Variants in EML6 observed in about 807,000 individuals in gnomAD.
EML6 encodes EMAP like 6.
EML6 carries 154 observed loss-of-function variants against 240.1 expected under a neutral mutation model. That is an observed-to-expected ratio of 0.64 (90% CI 0.56 to 0.73). The LOEUF (loss-of-function observed/expected upper bound fraction) is 0.73. Among genes scored for constraint, EML6 ranks in the 30% least tolerant of loss-of-function variants. EML6 has a pLI of 0.00. For synonymous variants in EML6, 1,148 were observed against 899.0 expected, an observed-to-expected ratio of 1.28 and a Z score of -4.95; for missense variants, 2,964 against 2,474.6, an observed-to-expected ratio of 1.20 and a Z score of -4.20.
intron 7 of EML6, among the ~76,000 whole-genome samples, chr2:54,842,981 T>C (rs1669542916): frequency 6.6e-6 from 1 of 152,266 alleles, no homozygotes; most frequent in African/African-American, 2.4e-5. Context: ...TGCATCTGTT[T>C]ATTCCGTAGG....
intron 5 of EML6, among the ~76,000 whole-genome samples, chr2:54,825,827 C>G (rs773708365): frequency 1.4e-4 from 21 of 152,172 alleles, no homozygotes; most frequent in Non-Finnish European, 2.4e-4. Context: ...TAGTACCCAA[C>G]TACTCTGAGA....
chr2:54,819,890 A>G (rs1668252864), intron 4 of EML6, among the ~76,000 whole-genome samples: 1 of 152,180 alleles, frequency 6.6e-6, no homozygotes, highest in South Asian at 2.1e-4. Context: ...GGACTATTTA[A>G]GTTAGTGACA....
intron 2 of EML6, among the ~76,000 whole-genome samples, chr2:54,735,241 C>T (rs1023037225): frequency 5.9e-5 from 9 of 152,220 alleles, no homozygotes; most frequent in Middle Eastern, 3.2e-3. Flanking sequence ...GTCATTGCAT[C>T]GTGTTGCATT....
chr2:54,746,720 T>C (rs1395651283), intron 2 of EML6, among the ~76,000 whole-genome samples: 1 of 152,240 alleles, frequency 6.6e-6, no homozygotes, highest in Admixed American at 6.5e-5. Flanking sequence ...TATAGGTATT[T>C]AATTCCATAC....
In EML6 at chr2:54,849,946, CTT is replaced by C. The variant is rs1218159520; in HGVS notation, c.1188-12_1188-11del. 1 of 1,541,640 alleles carries C rather than the reference CTT, an allele frequency of 6.5e-7. No homozygotes were observed. The highest frequency in any genetic ancestry group is 8.8e-7 in the Non-Finnish European group (1 of 1,140,392). The stretch of plus-strand genomic sequence containing the variant: ...TGTAGAATTGCTGCTTATCGTTTTG[CTT>C]TTTATTCTTACAGAGATATGACAGA... On this transcript the variant is annotated splice_polypyrimidine_tract_variant and intron_variant, in intron 9 of 41. Coordinates refer to ENST00000356458, the MANE Select transcript of EML6 (RefSeq NM_001039753.4).
chr2:54,858,904 G>A (rs1670528232), intron 11 of EML6, among the ~76,000 whole-genome samples: 1 of 152,182 alleles, frequency 6.6e-6, no homozygotes, highest in African/African-American at 2.4e-5. Context: ...CATGGACTTT[G>A]GGGTTCTAGG....
At chr2:54,851,190 C>T (rs1670064742) in intron 10 of EML6, among the ~76,000 whole-genome samples, 1 of 152,066 alleles carries the variant, frequency 6.6e-6, no homozygotes, top group Non-Finnish European at 1.5e-5. Flanking sequence ...GGGTGGATCA[C>T]TTGAGGTCAG....
At chr2:54,875,550 C>A (rs1416719067) in intron 16 of EML6, among the ~76,000 whole-genome samples, 1 of 152,128 alleles carries the variant, frequency 6.6e-6, no homozygotes. Context: ...AGCAGGCAAA[C>A]AATGTGAAAA....
chr2:54,950,839 A>G, intron 30 of EML6, 60 bp downstream of exon 30: 1 of 1,498,578 alleles, frequency 6.7e-7, no homozygotes, highest in Non-Finnish European at 9.0e-7. Context: ...TGCTTTCCCC[A>G]CTCTTTAGAT....
intron 17 of EML6, among the ~76,000 whole-genome samples, chr2:54,890,482 C>G (rs1039112521): frequency 6.6e-6 from 1 of 152,148 alleles, no homozygotes; most frequent in South Asian, 2.1e-4. Context: ...AGGTTATAAA[C>G]CTACCTCTCT....
intron 3 of EML6, 89 bp downstream of exon 3, chr2:54,813,480 A>G (rs1459755754): frequency 1.8e-6 from 2 of 1,140,514 alleles, no homozygotes; most frequent in African/African-American, 1.6e-5. Context: ...TTCAAAGTCC[A>G]TCAACCCTTG....
chr2:54,935,239 G>T (rs1465669960), intron 28 of EML6, among the ~76,000 whole-genome samples: 1 of 152,152 alleles, frequency 6.6e-6, no homozygotes, highest in East Asian at 1.9e-4. Flanking sequence ...GGAGTCCCAT[G>T]CTTATCTTTG....
chr2:54,966,392 G>C (rs1038322657), intron 38 of EML6, among the ~76,000 whole-genome samples: 1 of 152,240 alleles, frequency 6.6e-6, no homozygotes, highest in Non-Finnish European at 1.5e-5. Flanking sequence ...GCACTGCAGG[G>C]AGAGAGGAAG....
intron 2 of EML6, among the ~76,000 whole-genome samples, chr2:54,779,425 A>T (rs1485512230): frequency 1.3e-5 from 2 of 151,984 alleles, no homozygotes; most frequent in East Asian, 3.9e-4. Flanking sequence ...GGGTGCCTGT[A>T]ATCTCAGCTA....
At chr2:54,767,449 A>G (rs950235015) in intron 2 of EML6, among the ~76,000 whole-genome samples, 14 of 152,188 alleles carry the variant, frequency 9.2e-5, no homozygotes, top group South Asian at 2.1e-4. Context: ...CACCCATGCA[A>G]TACTTTTAGT....
intron 2 of EML6, among the ~76,000 whole-genome samples, chr2:54,794,720 A>T (rs372835142): frequency 6.6e-6 from 1 of 152,208 alleles, no homozygotes; most frequent in African/African-American, 2.4e-5. Context: ...CTTTAATAGT[A>T]AAAAGGTCCT....
chr2:54,743,368 A>G (rs1357959286), intron 2 of EML6, among the ~76,000 whole-genome samples: 4 of 152,260 alleles, frequency 2.6e-5, no homozygotes, highest in Non-Finnish European at 5.9e-5. Context: ...GGCCCTGGCC[A>G]GGAATTGATA....
intron 2 of EML6, among the ~76,000 whole-genome samples, chr2:54,738,042 T>G (rs992592528): frequency 1.3e-5 from 2 of 152,232 alleles, no homozygotes; most frequent in African/African-American, 4.8e-5. Flanking sequence ...CTGATCAGTG[T>G]TACCTTAACT....
chr2:54,884,720 AAG>A (rs1231410274), intron 17 of EML6, among the ~76,000 whole-genome samples: 1 of 152,274 alleles, frequency 6.6e-6, no homozygotes, highest in Non-Finnish European at 1.5e-5. Flanking sequence ...TCTCACAAAA[AAG>A]ATTTTTGTAA....
Sources: gnomAD v4.1 joint callset for allele counts (sites outside exome capture counted in the v4.1 genomes callset) on GRCh38, gnomAD v4.1.1 for gene constraint, MANE v1.5 for transcripts, NCBI Gene and HGNC (gene_info 2026-07-23, HGNC 2026-07-21) for gene names.